Variants in GSK3B observed in about 807,000 individuals in gnomAD.
GSK3B encodes glycogen synthase kinase 3 beta.
Under a neutral mutation model 56.4 loss-of-function variants are expected in GSK3B, and 15 were observed. The ratio of observed to expected loss-of-function variants is 0.27; its 90% CI spans 0.18 to 0.41. The LOEUF is 0.41. Ranked by LOEUF, GSK3B falls within the 10% of genes least tolerant of loss-of-function variation. The probability of loss-of-function intolerance (pLI) is 1.00; values close to 1 mark genes in which losing one functional copy is unlikely to be tolerated. For synonymous variants in GSK3B, 181 were observed against 188.9 expected (o/e 0.96, Z 0.34); for missense variants, 300 against 513.4 (o/e 0.58, Z 4.02).
chr3:119,857,557 T>C (rs2056039216), intron 9 of GSK3B, among the ~76,000 whole-genome samples: 1 of 152,242 alleles, frequency 6.6e-6, no homozygotes, highest in African/African-American at 2.4e-5. Context: ...CTTTTAATTC[T>C]AGTTCTCTTA....
At chr3:119,916,269 A>ATG in intron 4 of GSK3B, 95 bp from the exon 5 acceptor site, 1 of 1,059,530 alleles carries the variant, frequency 9.4e-7, no homozygotes, top group South Asian at 1.5e-5. Flanking sequence ...TCAGAAAAGA[A>ATG]CAGGTGAAAT....
chr3:120,029,517 A>G, intron 1 of GSK3B: 1 of 633,066 alleles, frequency 1.6e-6, no homozygotes, highest in Non-Finnish European at 3.0e-6. Context: ...TTATGTGTGT[A>G]AAGTTGCCAC....
At chr3:119,853,221 A>G (rs999763623) in intron 9 of GSK3B, among the ~76,000 whole-genome samples, 42 of 152,268 alleles carry the variant, frequency 2.8e-4, no homozygotes, top group African/African-American at 9.4e-4. Flanking sequence ...TTTGTCAAAG[A>G]TCAGATGGTT....
In GSK3B at chr3:119,963,580, G is replaced by A. The variant is rs181308384; in HGVS notation, c.283-16229C>T. Among the ~76,000 whole-genome samples, 21 of 141,368 alleles carry A rather than the reference G, an allele frequency of 1.5e-4. No homozygotes were observed. The South Asian group carries it at 2.2e-3, about 15-fold the overall frequency. The allele number at this position is 141,368 out of a possible 152,430, so 92.7% of individuals were successfully genotyped here. ...TTGCAGTGAGCTGAAATTATGCCACGGCACTCCAGCCTAGGCAACAGAGTA... is the reference window on the plus strand; with the variant it reads ...TTGCAGTGAGCTGAAATTATGCCACAGCACTCCAGCCTAGGCAACAGAGTA... On this transcript the variant is annotated intron_variant, in intron 2 of 10. Coordinates refer to ENST00000264235, the MANE Select transcript of GSK3B (RefSeq NM_001146156.2).
At chr3:119,891,456 T>A (rs1009404911) in intron 7 of GSK3B, among the ~76,000 whole-genome samples, 1 of 152,244 alleles carries the variant, frequency 6.6e-6, no homozygotes, top group South Asian at 2.1e-4. Flanking sequence ...TCAGAGTATA[T>A]TTCTACCTGA....
intron 2 of GSK3B, among the ~76,000 whole-genome samples, chr3:119,963,309 TAA>T (rs1427766667): frequency 5.9e-5 from 9 of 152,056 alleles, no homozygotes; most frequent in East Asian, 1.9e-4. Context: ...ATCAAAATCC[TAA>T]AGACATTTTT....
intron 2 of GSK3B, among the ~76,000 whole-genome samples, chr3:119,958,742 T>C (rs891536140): frequency 2.0e-5 from 3 of 151,774 alleles, no homozygotes; most frequent in Non-Finnish European, 2.9e-5. Context: ...TACTTCCAAC[T>C]AGGAAGATTA....
At chr3:119,891,750 G>A (rs1400329918) in intron 7 of GSK3B, among the ~76,000 whole-genome samples, 2 of 152,092 alleles carry the variant, frequency 1.3e-5, no homozygotes, top group South Asian at 2.1e-4. Context: ...TCTTCTGTAA[G>A]TGTATTTCAT....
intron 7 of GSK3B, among the ~76,000 whole-genome samples, chr3:119,890,435 G>A (rs1416497851): frequency 2.0e-5 from 3 of 152,102 alleles, no homozygotes; most frequent in South Asian, 2.1e-4. Context: ...CATCTGTAGT[G>A]ACAGAAAATA....
chr3:119,826,969 T>C (rs555912066), intron 10 of GSK3B, 114 bp from the exon 11 acceptor site: 53 of 676,634 alleles, frequency 7.8e-5, no homozygotes, highest in African/African-American at 7.7e-4. Flanking sequence ...AAGCTGTTAT[T>C]TGGAACGTTG....
intron 10 of GSK3B, among the ~76,000 whole-genome samples, chr3:119,836,572 C>T (rs377379832): frequency 4.6e-5 from 7 of 151,928 alleles, no homozygotes; most frequent in South Asian, 2.1e-4. Flanking sequence ...TTAAAAACAA[C>T]GGTTTGATTT....
chr3:119,854,285 G>A lies in GSK3B; in HGVS notation c.1096+9134C>T, dbSNP rs148314146. On this transcript the variant is annotated intron_variant, in intron 9 of 10. Coordinates refer to ENST00000264235, the MANE Select transcript of GSK3B (RefSeq NM_001146156.2). Reference sequence around the variant, plus strand: ...GGATGAAGCCCACCTGATTGTGGTGGATAAGCTTTTTGATGTGCTACTGGA... The same window carrying A: ...GGATGAAGCCCACCTGATTGTGGTGAATAAGCTTTTTGATGTGCTACTGGA... Among the ~76,000 whole-genome samples, 1,125 of 152,266 alleles carry A rather than the reference G, an allele frequency of 7.4e-3. 15 individuals carry two copies. Among genetic ancestry groups the A allele is most frequent in the African/African-American group, 0.025 (1,037 of 41,546 alleles).
At chr3:119,919,471 T>C (rs2056814728) in intron 4 of GSK3B, among the ~76,000 whole-genome samples, 1 of 141,424 alleles carries the variant, frequency 7.1e-6, no homozygotes, top group Admixed American at 7.5e-5. Context: ...CAAAGAATAA[T>C]GCCCAGAGCC....
At chr3:119,898,321 AG>A (rs2056590750) in intron 7 of GSK3B, among the ~76,000 whole-genome samples, 1 of 152,190 alleles carries the variant, frequency 6.6e-6, no homozygotes, top group South Asian at 2.1e-4. Context: ...AGCCATCCTA[AG>A]TCGGGGACTG....
At chr3:120,068,284 A>G (rs1462066140) in intron 1 of GSK3B, among the ~76,000 whole-genome samples, 1 of 151,468 alleles carries the variant, frequency 6.6e-6, no homozygotes, top group Non-Finnish European at 1.5e-5. Context: ...CCAGCTACTC[A>G]GGAGGCTGAG....
intron 7 of GSK3B, among the ~76,000 whole-genome samples, chr3:119,894,516 G>C (rs1328886891): frequency 6.6e-6 from 1 of 152,054 alleles, no homozygotes; most frequent in Admixed American, 6.6e-5. Context: ...ATGATGTTGA[G>C]CATCTTTTTG....
chr3:119,859,325 G>T (rs1414421272), intron 9 of GSK3B, among the ~76,000 whole-genome samples: 2 of 152,102 alleles, frequency 1.3e-5, no homozygotes, highest in African/African-American at 4.8e-5. Context: ...CAACTTAGAA[G>T]AAAATGCCTA....
chr3:119,824,248 T>C lies in GSK3B; in HGVS notation c.*2540A>G. The stretch of plus-strand genomic sequence containing the variant: ...TATTATTATTATATACAAAAAGATA[T>C]TCAGAGACCTGGATCTCACTTGTAT... On this transcript the variant is annotated 3_prime_UTR_variant, in exon 11 of 11. Transcript: ENST00000264235. 1 of 220,988 alleles carries C rather than the reference T, an allele frequency of 4.5e-6. No individual in the cohort carries two copies. The highest frequency in any genetic ancestry group is 6.6e-5 in the East Asian group (1 of 15,224). The allele number at this position is 220,988 out of a possible 1,614,324, so 13.7% of individuals were successfully genotyped here. A position where few individuals can be genotyped will look rare whatever the true frequency, so the allele number is the denominator to read the frequency against.
At chr3:119,964,387 A>G (rs926446570) in intron 2 of GSK3B, among the ~76,000 whole-genome samples, 19 of 152,372 alleles carry the variant, frequency 1.2e-4, no homozygotes, top group Admixed American at 3.3e-4. Context: ...ATTGATAAGA[A>G]AAATGTGGTA....
Sources: allele counts gnomAD v4.1 joint callset (sites outside exome capture counted in the v4.1 genomes callset), GRCh38; gene constraint gnomAD v4.1.1; transcripts MANE v1.5; gene names NCBI Gene and HGNC (gene_info 2026-07-23, HGNC 2026-07-21).